Variants in EFCAB6 observed in about 807,000 individuals in gnomAD.
EFCAB6 encodes EF-hand calcium-binding domain-containing protein 6.
Under a neutral mutation model 169.8 loss-of-function variants are expected in EFCAB6, and 156 were observed. The ratio of observed to expected loss-of-function variants is 0.92; its 90% CI spans 0.81 to 1.05. EFCAB6 has a LOEUF of 1.05. Ranked by LOEUF, EFCAB6 falls within the 50% of genes least tolerant of loss-of-function variation. EFCAB6 has a pLI of 0.00. For synonymous variants in EFCAB6, 698 were observed against 676.4 expected (o/e 1.03, Z -0.50); for missense variants, 1,800 against 1,829.1 (o/e 0.98, Z 0.29).
At chr22:43,682,256 G>A (rs893718610) in intron 12 of EFCAB6, among the ~76,000 whole-genome samples, 1 of 152,164 alleles carries the variant, frequency 6.6e-6, no homozygotes, top group South Asian at 2.1e-4. Context: ...GAGCTTATCG[G>A]CAAGGACTTA....
chr22:43,604,447 T>C (rs570452886), intron 22 of EFCAB6, among the ~76,000 whole-genome samples: 1 of 152,370 alleles, frequency 6.6e-6, no homozygotes, highest in South Asian at 2.1e-4. Flanking sequence ...AGAGTCTACC[T>C]GGCTAGCACA....
chr22:43,717,121 A>G, intron 8 of EFCAB6, 149 bp from the exon 9 acceptor site: 1 of 1,066,664 alleles, frequency 9.4e-7, no homozygotes, highest in Non-Finnish European at 1.2e-6. Context: ...TGGTGTTGAA[A>G]TAACTGGCTA....
At chr22:43,720,280 GA>G (rs1241219263) in intron 8 of EFCAB6, among the ~76,000 whole-genome samples, 1 of 151,722 alleles carries the variant, frequency 6.6e-6, no homozygotes, top group Non-Finnish European at 1.5e-5. Flanking sequence ...CACTTTGAGA[GA>G]CCGAGGCAGG....
intron 17 of EFCAB6, among the ~76,000 whole-genome samples, chr22:43,637,898 A>T (rs565290793): frequency 2.0e-5 from 3 of 152,358 alleles, no homozygotes; most frequent in African/African-American, 7.2e-5. Flanking sequence ...TATTCATGGC[A>T]AACTCTTCTT....
chr22:43,554,594 G>T, intron 27 of EFCAB6: 1 of 455,988 alleles, frequency 2.2e-6, no homozygotes, highest in Non-Finnish European at 4.0e-6. Context: ...GATGCTCCAG[G>T]GAAGGGAGAA....
chr22:43,598,315 A>ACAAAAC (rs372101266), intron 23 of EFCAB6, among the ~76,000 whole-genome samples: 10 of 87,994 alleles, frequency 1.1e-4, no homozygotes, highest in African/African-American at 3.9e-4. Context: ...CTCCGGGAAA[A>ACAAAAC]AAAAAAAAAA....
At chr22:43,746,218 G>A (rs936364360) in intron 6 of EFCAB6, among the ~76,000 whole-genome samples, 4 of 152,128 alleles carry the variant, frequency 2.6e-5, no homozygotes, top group African/African-American at 7.2e-5. Flanking sequence ...AGTTGCCCTC[G>A]CAGGCCAAGG....
intron 10 of EFCAB6, among the ~76,000 whole-genome samples, chr22:43,698,929 T>C (rs2058672818): frequency 6.6e-6 from 1 of 152,192 alleles, no homozygotes; most frequent in South Asian, 2.1e-4. Context: ...CTCCATTGCC[T>C]TATACAAAAA....
rs150714638 is a variant in EFCAB6 at position 43,658,333 on chromosome 22, G to A, written c.1983+8771C>T. On this transcript the variant is annotated intron_variant, in intron 17 of 31. Transcript: ENST00000262726. Reference sequence around the variant, plus strand: ...CAAGGCGGGGGAACCTTTCAGAGGCGACCTAGGGATGTGTGAACAGCTGGT... The same window carrying A: ...CAAGGCGGGGGAACCTTTCAGAGGCAACCTAGGGATGTGTGAACAGCTGGT... Among the ~76,000 whole-genome samples the A allele has an allele frequency of 3.5e-4, 54 of 152,296 alleles. No individual in the cohort carries two copies. The East Asian group carries it at 7.5e-3, about 21-fold the overall frequency.
chr22:43,656,218 C>T (rs1382059229), intron 17 of EFCAB6, among the ~76,000 whole-genome samples: 1 of 151,954 alleles, frequency 6.6e-6, no homozygotes, highest in African/African-American at 2.4e-5. Context: ...TGGTGAAACC[C>T]CGTCTCTACT....
chr22:43,764,280 C>T (rs749255267), intron 5 of EFCAB6, among the ~76,000 whole-genome samples: 1 of 152,064 alleles, frequency 6.6e-6, no homozygotes, highest in Non-Finnish European at 1.5e-5. Flanking sequence ...GTGTAGCTCC[C>T]ACTTGTAAGT....
At chr22:43,576,656 C>A (rs2050275941) in intron 25 of EFCAB6, among the ~76,000 whole-genome samples, 168 bp from the exon 26 acceptor site, 1 of 152,126 alleles carries the variant, frequency 6.6e-6, no homozygotes, top group South Asian at 2.1e-4. Flanking sequence ...AGGACTGAGA[C>A]AAGTATGATA....
chr22:43,583,943 T>C (rs764963882), intron 24 of EFCAB6, among the ~76,000 whole-genome samples: 3 of 152,204 alleles, frequency 2.0e-5, no homozygotes, highest in Non-Finnish European at 2.9e-5. Flanking sequence ...GAGAATCTAT[T>C]TGACACTAAG....
chr22:43,721,868 G>C, intron 8 of EFCAB6, among the ~76,000 whole-genome samples: 1 of 152,102 alleles, frequency 6.6e-6, no homozygotes. Context: ...AAAAGCAATT[G>C]CAACAAAAAT....
At chr22:43,576,888 T>A (rs6006641) in intron 25 of EFCAB6, among the ~76,000 whole-genome samples, 43,934 of 151,868 alleles carry the variant, frequency 0.29, 6,845 homozygotes, top group East Asian at 0.62. Context: ...TTCCTTTAAG[T>A]ATTAATTAGT....
At chr22:43,563,154 A>G (rs1224964981) in intron 26 of EFCAB6, among the ~76,000 whole-genome samples, 1 of 152,066 alleles carries the variant, frequency 6.6e-6, no homozygotes, top group Non-Finnish European at 1.5e-5. Context: ...GAACGCGGCC[A>G]GGGCCAGCCT....
chr22:43,528,947 G>C lies in EFCAB6; in HGVS notation c.4412C>G (p.Ser1471Cys), dbSNP rs780737200. The C allele has an allele frequency of 3.1e-6, 5 of 1,606,364 alleles. No homozygotes were observed. The highest frequency in any genetic ancestry group is 4.3e-6 in the Non-Finnish European group (5 of 1,173,736). ...CAGAATATGGAAGAACTCTTCCTCAGAGAGGTTGATGCTGTACTGTCTCAG... is the reference window on the plus strand; with the variant it reads ...CAGAATATGGAAGAACTCTTCCTCACAGAGGTTGATGCTGTACTGTCTCAG... ...TVLRQYSINLSEEEFFHILEY... is the reference protein window; with the variant it reads ...TVLRQYSINLCEEEFFHILEY... Residue 1471 changes from serine (S) to cysteine (C), a missense_variant, in exon 32 of 32, where the codon TCT becomes TGT. Transcript: ENST00000262726.
chr22:43,769,967 G>A (rs1020085701), intron 4 of EFCAB6, among the ~76,000 whole-genome samples: 10 of 151,506 alleles, frequency 6.6e-5, no homozygotes, highest in African/African-American at 2.2e-4. Flanking sequence ...CAATTCTCCC[G>A]CCTCAGCCTC....
chr22:43,635,600 C>T (rs1178799024), intron 17 of EFCAB6, among the ~76,000 whole-genome samples: 1 of 152,092 alleles, frequency 6.6e-6, no homozygotes, highest in South Asian at 2.1e-4. Context: ...ATAAAGCAAG[C>T]AAGGTAGTTT....
Sources: allele counts gnomAD v4.1 joint callset (sites outside exome capture counted in the v4.1 genomes callset), GRCh38; gene constraint gnomAD v4.1.1; transcripts MANE v1.5; gene names NCBI Gene and HGNC (gene_info 2026-07-23, HGNC 2026-07-21).